Variants in AXIN1 observed in about 807,000 individuals in gnomAD.
AXIN1 encodes the protein axin-1.
Under a neutral mutation model 76.4 loss-of-function variants are expected in AXIN1, and 30 were observed. The ratio of observed to expected loss-of-function variants is 0.39; its 90% CI spans 0.29 to 0.53. The LOEUF is 0.53. Among genes scored for constraint, AXIN1 ranks in the 20% least tolerant of loss-of-function variants. AXIN1 has a pLI of 0.66. For missense variants in AXIN1, 1,140 were observed against 1,198.8 expected, an observed-to-expected ratio of 0.95 and a Z score of 0.72; for synonymous variants, 545 against 501.4, an observed-to-expected ratio of 1.09 and a Z score of -1.16.
Position 352,438 on chromosome 16 carries a change from C to T in AXIN1, c.-151G>A. On this transcript the variant is annotated 5_prime_UTR_variant, in exon 1 of 11. Coordinates refer to ENST00000262320, the MANE Select transcript of AXIN1 (RefSeq NM_003502.4). ...GCGCGGCGCGGTCCGGGCCCATGCG[C>T]TCAGCGGCAGCGCGGCGGGCGGGAC... 2.1e-6 allele frequency: 2 copies of T among 974,926 alleles called. No individual in the cohort carries two copies. Among genetic ancestry groups the T allele is most frequent in the Non-Finnish European group, 2.4e-6 (2 of 823,536 alleles). 60.4% of individuals were successfully genotyped at this position (974,926 alleles called of 1,614,324 possible).
Position 346,967 on chromosome 16 carries a change from G to A in AXIN1, c.59C>T (p.Ala20Val), listed in dbSNP as rs773931967. Reference protein sequence around the residue: ...LDLGASFTEDAPRPPVPGEEG... With the variant: ...LDLGASFTEDVPRPPVPGEEG... The stretch of plus-strand genomic sequence containing the variant: ...CTCACCAGGCACTGGGGGTCGGGGA[G>A]CATCTTCGGTGAAACTTGCTCCGAG... The change falls in exon 2 of 11, where the codon GCT (alanine) becomes GTT (valine). Residue 20 changes from alanine to valine, a missense_variant. Around this residue, in one of 3 missense-constraint regions of AXIN1, gnomAD observed 708 missense variants for 776.9 expected, o/e 0.91. Coordinates refer to ENST00000262320, the MANE Select transcript of AXIN1 (RefSeq NM_003502.4). The A allele has an allele frequency of 1.3e-5, 21 of 1,614,142 alleles. No individual in the cohort carries two copies. The highest frequency in any genetic ancestry group is 8.5e-7 in the Non-Finnish European group (1 of 1,180,056).
chr16:332,663 CAA>C (rs34523667), intron 2 of AXIN1, among the ~76,000 whole-genome samples: 20 of 113,746 alleles, frequency 1.8e-4, no homozygotes, highest in East Asian at 3.1e-4. Context: ...TGATCTAAAC[CAA>C]AAAAAAAAAA....
chr16:309,496 C>A (rs557459437), intron 4 of AXIN1, among the ~76,000 whole-genome samples: 1 of 152,282 alleles, frequency 6.6e-6, no homozygotes, highest in South Asian at 2.1e-4. Context: ...CGAGACTGGG[C>A]AAAGGTGCCA....
At chr16:296,957 C>T in intron 7 of AXIN1, 99 bp downstream of exon 7, 1 of 1,418,986 alleles carries the variant, frequency 7.0e-7, no homozygotes, top group East Asian at 2.3e-5. Context: ...TCACAGGCGA[C>T]ACTCGCCACA....
intron 1 of AXIN1, among the ~76,000 whole-genome samples, chr16:351,750 ATAT>A (rs770680675): frequency 2.3e-4 from 20 of 87,428 alleles, no homozygotes; most frequent in South Asian, 4.4e-4. Context: ...TACAAAAAAT[ATAT>A]ATATATATAT....
chr16:332,431 G>A (rs777937375), intron 2 of AXIN1, among the ~76,000 whole-genome samples: 39 of 151,960 alleles, frequency 2.6e-4, no homozygotes, highest in Non-Finnish European at 5.0e-4. Context: ...CAAAAAATTA[G>A]CTGGGCGTGG....
At position 288,027 on chromosome 16, in the gene AXIN1, C is replaced by T. The variant is rs1294167323; in HGVS notation, c.*95G>A. 36 of 1,591,814 alleles carry T rather than the reference C, an allele frequency of 2.3e-5. 1 individual carries two copies. In the East Asian group the frequency reaches 8.0e-4, roughly 36 times the overall value. On this transcript the variant is annotated 3_prime_UTR_variant, in exon 11 of 11. Transcript: ENST00000262320. ...ATGGGTGGTACACCCAACACTGTTC[C>T]CCATCGGGCTCCTGAGTACGAGGTC...
intron 6 of AXIN1, 30 bp downstream of exon 6, chr16:297,691 GC>G: frequency 6.3e-7 from 1 of 1,575,838 alleles, no homozygotes; most frequent in Non-Finnish European, 8.6e-7. Flanking sequence ...CTCACCCCAA[GC>G]CCCCTCCTCA....
chr16:301,079 G>A (rs2052856936), intron 5 of AXIN1, among the ~76,000 whole-genome samples: 1 of 151,950 alleles, frequency 6.6e-6, no homozygotes, highest in Non-Finnish European at 1.5e-5. Context: ...GACCATCCTG[G>A]CTAACATGGT....
chr16:313,648 A>G (rs2053234012), intron 3 of AXIN1, among the ~76,000 whole-genome samples: 1 of 152,174 alleles, frequency 6.6e-6, no homozygotes, highest in African/African-American at 2.4e-5. Flanking sequence ...CGTGTGGCGC[A>G]CAGACCAGAG....
Position 301,060 on chromosome 16 carries a change from G to A in AXIN1, c.1255-2809C>T, listed in dbSNP as rs542079160. ...CCGAGGCGGGTGGATCACAAGGTCG[G>A]GAGATCGAGACCATCCTGGCTAACA... On this transcript the variant is annotated intron_variant, in intron 5 of 10. Transcript: ENST00000262320. Among the ~76,000 whole-genome samples the A allele has an allele frequency of 2.0e-5, 3 of 152,068 alleles. No individual in the cohort carries two copies. In the East Asian group the frequency reaches 5.8e-4, roughly 30 times the overall value.
chr16:325,634 G>A (rs571249671), intron 2 of AXIN1, among the ~76,000 whole-genome samples: 3 of 152,220 alleles, frequency 2.0e-5, no homozygotes, highest in East Asian at 1.9e-4. Context: ...GCCAAGGAGC[G>A]GTCACCGCCC....
Position 297,937 on chromosome 16 carries a change from C to A in AXIN1, c.1569G>T (p.Lys523Asn), listed in dbSNP as rs2052760945. 1 of 1,601,724 alleles carries A rather than the reference C, an allele frequency of 6.2e-7. No homozygotes were observed. Residue 523 changes from lysine to asparagine, a missense_variant, in exon 6 of 11, where the codon AAG becomes AAT. Physicochemically the swap from Lys to Asn is moderately conservative, Grantham distance 94. Transcript: ENST00000262320. Reference protein sequence around the residue: ...HGKHVPKSGAKLDAAGLHHHR... With the variant: ...HGKHVPKSGANLDAAGLHHHR... ...GGTGGTGCAGGCCGGCCGCGTCCAG[C>A]TTCGCCCCTGACTTGGGTACGTGCT...
chr16:316,514 T>C lies in AXIN1; in HGVS notation c.879-1831A>G, dbSNP rs1392636091. Among the ~76,000 whole-genome samples the C allele has an allele frequency of 4.6e-5, 7 of 152,350 alleles. No homozygotes were observed. In the South Asian group the frequency reaches 1.4e-3, roughly 32 times the overall value. ...AGTGTGCCCTGAGGCTGCCCCTTCCTTCTAGCGGCTGCCCCCACTCGGCTT... is the reference window on the plus strand; with the variant it reads ...AGTGTGCCCTGAGGCTGCCCCTTCCCTCTAGCGGCTGCCCCCACTCGGCTT... On this transcript the variant is annotated intron_variant, in intron 2 of 10. Coordinates refer to ENST00000262320, the MANE Select transcript of AXIN1 (RefSeq NM_003502.4).
At chr16:304,261 C>G (rs764038659) in intron 5 of AXIN1, 43 bp downstream of exon 5, 2 of 1,600,162 alleles carry the variant, frequency 1.2e-6, no homozygotes, top group Admixed American at 3.3e-5. Flanking sequence ...AAGAAAACAG[C>G]ACGACACCGA....
intron 2 of AXIN1, among the ~76,000 whole-genome samples, chr16:343,290 C>T (rs567983259): frequency 2.0e-5 from 3 of 152,344 alleles, no homozygotes; most frequent in South Asian, 2.1e-4. Context: ...AGCTACTGCT[C>T]GCAGCCAAGA....
chr16:324,201 C>T (rs931466122), intron 2 of AXIN1, among the ~76,000 whole-genome samples: 1 of 152,210 alleles, frequency 6.6e-6, no homozygotes, highest in Non-Finnish European at 1.5e-5. Flanking sequence ...CGGGTCTTTA[C>T]GGGTCTTCCG....
In AXIN1 at chr16:348,873, C is replaced by T. The variant is rs1006176320; in HGVS notation, c.-81-1767G>A. Among the ~76,000 whole-genome samples the T allele has an allele frequency of 5.3e-5, 8 of 151,886 alleles. No homozygotes were observed. The South Asian group carries it at 8.3e-4, about 16-fold the overall frequency. Reference sequence around the variant, plus strand: ...CAGCACTTTGGGAAGCCAAGGCGGGCGGATCACGAGGTCAAGAGATCGAGA... The same window carrying T: ...CAGCACTTTGGGAAGCCAAGGCGGGTGGATCACGAGGTCAAGAGATCGAGA... On this transcript the variant is annotated intron_variant, in intron 1 of 10. Coordinates refer to ENST00000262320, the MANE Select transcript of AXIN1 (RefSeq NM_003502.4).
rs370941556 is a variant in AXIN1, at chr16:333,256, C to T, written c.878+12892G>A. Among the ~76,000 whole-genome samples the T allele has an allele frequency of 2.2e-3, 337 of 151,596 alleles. 3 individuals are homozygous for T. Among genetic ancestry groups the T allele is most frequent in the African/African-American group, 7.9e-3 (326 of 41,232 alleles). On this transcript the variant is annotated intron_variant, in intron 2 of 10. Coordinates refer to ENST00000262320, the MANE Select transcript of AXIN1 (RefSeq NM_003502.4). ...CTGAGGCAGGAGAATTGCTTGAACC[C>T]GGGAGGCAGCGGATGCAGTGAGCCG...
Sources: allele counts gnomAD v4.1 joint callset (sites outside exome capture counted in the v4.1 genomes callset), GRCh38; gene constraint gnomAD v4.1.1; regional missense constraint gnomAD v4.1.1; transcripts MANE v1.5; gene names NCBI Gene and HGNC (gene_info 2026-07-23, HGNC 2026-07-21).